CLNK: variants seen among roughly 807,000 people sequenced by gnomAD.
The protein encoded by CLNK is cytokine-dependent hematopoietic cell linker.
In CLNK, 74 loss-of-function variants were observed where a neutral mutation model predicts 68.6. The observed-to-expected ratio is 1.08, with a 90% confidence interval of 0.89 to 1.31. The LOEUF is 1.31. CLNK is among the 50% of genes most tolerant of loss of function. The pLI, the probability that CLNK is intolerant of heterozygous loss-of-function variation, is 0.00. For synonymous variants in CLNK, 198 were observed against 172.2 expected, an observed-to-expected ratio of 1.15 and a Z score of -1.17; for missense variants, 553 against 515.3, an observed-to-expected ratio of 1.07 and a Z score of -0.71.
the CLNK span, among the ~76,000 whole-genome samples, chr4:10,726,110 T>A: frequency 1.3e-5 from 2 of 152,128 alleles, no homozygotes; most frequent in African/African-American, 4.8e-5. Flanking sequence ...TGGCAATCTT[T>A]GATATCCCGT....
chr4:10,496,190 A>C (rs1457183943), intron 18 of CLNK, among the ~76,000 whole-genome samples: 1 of 152,224 alleles, frequency 6.6e-6, no homozygotes, highest in Non-Finnish European at 1.5e-5. Context: ...TTAAATTCAA[A>C]AGTTGCAAGA....
At chr4:10,630,291 A>C (rs1722834962) in intron 2 of CLNK, among the ~76,000 whole-genome samples, 1 of 152,172 alleles carries the variant, frequency 6.6e-6, no homozygotes, top group African/African-American at 2.4e-5. Flanking sequence ...TATGACACGC[A>C]TTTGTACCCA....
chr4:10,699,494 C>CTCTCTCTCTATATATA, the CLNK span, among the ~76,000 whole-genome samples: 2 of 56,990 alleles, frequency 3.5e-5, no homozygotes, highest in Admixed American at 4.5e-4. Flanking sequence ...CTCTCTCTCT[C>CTCTCTCTCTATATATA]TATATATATA....
At chr4:10,560,568 C>CA (rs1349873579) in intron 7 of CLNK, among the ~76,000 whole-genome samples, 2 of 151,738 alleles carry the variant, frequency 1.3e-5, no homozygotes, top group Non-Finnish European at 2.9e-5. Context: ...TTCAGCCTCC[C>CA]AAGTAGCTGG....
At chr4:10,644,732 G>T (rs1424765916) in intron 2 of CLNK, among the ~76,000 whole-genome samples, 1 of 152,158 alleles carries the variant, frequency 6.6e-6, no homozygotes, top group African/African-American at 2.4e-5. Context: ...AACAAAAACA[G>T]GATCCGTATT....
intron 16 of CLNK, among the ~76,000 whole-genome samples, chr4:10,509,415 T>A (rs1717468866): frequency 6.6e-6 from 1 of 152,128 alleles, no homozygotes; most frequent in East Asian, 1.9e-4. Flanking sequence ...CACACACAGC[T>A]TTAGGGATAG....
At chr4:10,647,242 C>CG (rs1319274053) in intron 2 of CLNK, among the ~76,000 whole-genome samples, 1 of 152,186 alleles carries the variant, frequency 6.6e-6, no homozygotes, top group South Asian at 2.1e-4. Flanking sequence ...TCAACCATTT[C>CG]CCTCTGTGAC....
At chr4:10,622,642 C>T (rs1406956019) in intron 2 of CLNK, among the ~76,000 whole-genome samples, 11 of 152,186 alleles carry the variant, frequency 7.2e-5, no homozygotes, top group Non-Finnish European at 1.6e-4. Flanking sequence ...GTGGAAGGAA[C>T]AACAGTACAA....
chr4:10,732,278 A>T, the CLNK span, among the ~76,000 whole-genome samples: 1 of 152,220 alleles, frequency 6.6e-6, no homozygotes, highest in Non-Finnish European at 1.5e-5. Flanking sequence ...TTTAAGCTAC[A>T]TCTGGCACAT....
chr4:10,655,481 T>C (rs1723940174), intron 2 of CLNK, among the ~76,000 whole-genome samples: 1 of 151,936 alleles, frequency 6.6e-6, no homozygotes, highest in African/African-American at 2.4e-5. Flanking sequence ...TTCCAAGATA[T>C]CATGAGCTAC....
intron 16 of CLNK, among the ~76,000 whole-genome samples, chr4:10,509,486 A>G (rs1415227011): frequency 2.7e-5 from 4 of 150,822 alleles, no homozygotes; most frequent in Admixed American, 2.6e-4. Context: ...TACCCAGCTC[A>G]GGCATTCTTT....
chr4:10,601,363 AG>A (rs1246183057), intron 2 of CLNK, among the ~76,000 whole-genome samples: 1 of 152,206 alleles, frequency 6.6e-6, no homozygotes, highest in Non-Finnish European at 1.5e-5. Context: ...GGATTATTGA[AG>A]CAAAATATTA....
chr4:10,672,319 T>C (rs143017985), intron 1 of CLNK, among the ~76,000 whole-genome samples: 194 of 152,320 alleles, frequency 1.3e-3, no homozygotes, highest in African/African-American at 4.3e-3. Flanking sequence ...TCTCTGGGTT[T>C]GAACAGGTGA....
At chr4:10,564,632 C>T (rs1203709382) in intron 7 of CLNK, 39 bp downstream of exon 7, 1 of 1,388,144 alleles carries the variant, frequency 7.2e-7, no homozygotes, top group African/African-American at 1.4e-5. Flanking sequence ...AGGAAGAGCC[C>T]TACACATGTT....
intron 2 of CLNK, among the ~76,000 whole-genome samples, chr4:10,648,156 T>C (rs1220673868): frequency 6.6e-6 from 1 of 152,198 alleles, no homozygotes; most frequent in Non-Finnish European, 1.5e-5. Context: ...ATGTACAAGT[T>C]ACCACGTAAT....
chr4:10,567,679 A>G (rs1294481552), intron 5 of CLNK, among the ~76,000 whole-genome samples: 2 of 152,246 alleles, frequency 1.3e-5, no homozygotes, highest in Non-Finnish European at 2.9e-5. Flanking sequence ...TGTATCTGAT[A>G]AGGAGCTTAA....
chr4:10,655,895 C>T (rs1421634216), intron 2 of CLNK, among the ~76,000 whole-genome samples: 6 of 151,922 alleles, frequency 3.9e-5, no homozygotes, highest in Admixed American at 1.3e-4. Context: ...GTGATCTGCC[C>T]GCTTTGGCCT....
intron 2 of CLNK, among the ~76,000 whole-genome samples, chr4:10,632,564 T>C (rs182190772): frequency 6.6e-6 from 1 of 152,370 alleles, no homozygotes; most frequent in African/African-American, 2.4e-5. Context: ...GGTCATCTTT[T>C]TTTGTGCATC....
the CLNK span, among the ~76,000 whole-genome samples, chr4:10,696,409 G>A: frequency 1.3e-5 from 2 of 152,178 alleles, no homozygotes; most frequent in East Asian, 3.9e-4. Flanking sequence ...GCTTCCTGCT[G>A]CAGCACTGAG....
Sources: gnomAD v4.1 joint callset for allele counts (sites outside exome capture counted in the v4.1 genomes callset) on GRCh38, gnomAD v4.1.1 for gene constraint, MANE v1.5 for transcripts, NCBI Gene and HGNC (gene_info 2026-07-23, HGNC 2026-07-21) for gene names.